The following TENM1 variants were observed in gnomAD, a reference collection of about 807,000 sequenced individuals.
TENM1 encodes teneurin transmembrane protein 1.
A neutral mutation model predicts 174.8 loss-of-function variants in TENM1; 35 were observed. The observed-to-expected ratio is 0.20, with a 90% CI of 0.15 to 0.27. The LOEUF is 0.27. Among genes scored for constraint, TENM1 ranks in the 10% least tolerant of loss-of-function variants. TENM1 has a pLI of 1.00. For synonymous variants in TENM1, 781 were observed against 798.7 expected (o/e 0.98, Z 0.37); for missense variants, 1,633 against 2,130.1 (o/e 0.77, Z 4.59).
At chrX:125,189,100 A>T in the TENM1 span, among the ~76,000 whole-genome samples, 1 of 112,234 alleles carries the variant, frequency 8.9e-6, no homozygotes, top group African/African-American at 3.2e-5. Context: ...AGATAAACAG[A>T]AGACTGGGGA....
chrX:124,436,714 C>T (rs1324499646), intron 23 of TENM1, among the ~76,000 whole-genome samples: 2 of 109,902 alleles, frequency 1.8e-5, no homozygotes, highest in African/African-American at 6.6e-5. Context: ...TCTCAGAGGA[C>T]TAGGTCCTAC....
chrX:124,655,984 C>A (rs749435982), intron 6 of TENM1, among the ~76,000 whole-genome samples: 1 of 112,082 alleles, frequency 8.9e-6, no homozygotes, highest in South Asian at 3.7e-4. Context: ...GTTTATGTGG[C>A]ACTTCTGTTC....
At chrX:124,563,217 T>A (rs1255531462) in intron 13 of TENM1, among the ~76,000 whole-genome samples, 1 of 110,174 alleles carries the variant, frequency 9.1e-6, no homozygotes, top group Non-Finnish European at 1.9e-5. Context: ...TTGCTGTCTC[T>A]GTTAAAGGAA....
chrX:124,927,613 T>C (rs2058110021), intron 1 of TENM1, among the ~76,000 whole-genome samples: 1 of 111,617 alleles, frequency 9.0e-6, no homozygotes, highest in Admixed American at 9.6e-5. Flanking sequence ...CTGGTGCTAA[T>C]CTAATACAGT....
chrX:124,731,347 A>G (rs1191383133), intron 4 of TENM1, among the ~76,000 whole-genome samples: 3 of 112,107 alleles, frequency 2.7e-5, no homozygotes, highest in East Asian at 5.6e-4. Context: ...GGTAAAATCA[A>G]TATCAGTAAC....
upstream of TENM1, among the ~76,000 whole-genome samples, chrX:124,968,126 G>A (rs910026992): frequency 9.0e-6 from 1 of 111,485 alleles, no homozygotes; most frequent in Non-Finnish European, 1.9e-5. Flanking sequence ...TTTGAAAAAC[G>A]TGCTTAGTTT....
At position 124,860,770 on chromosome X, in the gene TENM1, G is replaced by T. The variant is rs146806023; in HGVS notation, c.535+33526C>A. 1.8e-3 allele frequency among the ~76,000 whole-genome samples: 206 copies of T among 111,584 alleles called. 2 individuals are homozygous for T. The highest frequency in any genetic ancestry group is 6.5e-3 in the African/African-American group (199 of 30,753). On this transcript the variant is annotated intron_variant, in intron 3 of 31. Coordinates refer to ENST00000422452, the Ensembl canonical transcript of TENM1. The stretch of plus-strand genomic sequence containing the variant: ...GGTAAAGACCAACCGCTTCGTTGGA[G>T]GCAAGTTATTAGAGAAAACCACTTT...
At chrX:125,075,805 C>A in the TENM1 span, among the ~76,000 whole-genome samples, 1 of 111,274 alleles carries the variant, frequency 9.0e-6, no homozygotes, top group Admixed American at 9.6e-5. Flanking sequence ...TACAGTATTT[C>A]CACATCACCA....
intron 3 of TENM1, among the ~76,000 whole-genome samples, chrX:124,888,323 G>A (rs2057422256): frequency 9.0e-6 from 1 of 111,286 alleles, no homozygotes; most frequent in African/African-American, 3.3e-5. Context: ...GAACAACATA[G>A]GGAGCTCAGC....
At chrX:124,911,958 C>T (rs1389599717) in intron 1 of TENM1, among the ~76,000 whole-genome samples, 1 of 111,850 alleles carries the variant, frequency 8.9e-6, no homozygotes, top group Non-Finnish European at 1.9e-5. Flanking sequence ...TATTTATTAA[C>T]CACCTAACGT....
intron 3 of TENM1, among the ~76,000 whole-genome samples, chrX:124,862,315 C>T (rs1436510455): frequency 8.9e-6 from 1 of 111,767 alleles, no homozygotes; most frequent in African/African-American, 3.3e-5. Context: ...CAGGTGAGCA[C>T]TCATAGTACC....
intron 11 of TENM1, among the ~76,000 whole-genome samples, chrX:124,609,127 C>T (rs2050226071): frequency 1.8e-5 from 2 of 111,416 alleles, no homozygotes; most frequent in South Asian, 7.5e-4. Context: ...TACAATTATG[C>T]TGTGGCCAAC....
chrX:124,700,838 T>C (rs1017343863), intron 5 of TENM1, among the ~76,000 whole-genome samples: 1 of 111,356 alleles, frequency 9.0e-6, no homozygotes, highest in East Asian at 2.8e-4. Context: ...CTCCTTTCAT[T>C]CTATTATTTT....
chrX:124,650,519 T>C (rs1373733968), intron 8 of TENM1, among the ~76,000 whole-genome samples: 1 of 111,614 alleles, frequency 9.0e-6, no homozygotes, highest in Non-Finnish European at 1.9e-5. Context: ...TCTGGGTCTA[T>C]TGATTTTTGG....
chrX:125,044,159 TATA>T, the TENM1 span, among the ~76,000 whole-genome samples: 62 of 47,102 alleles, frequency 1.3e-3, 1 homozygote, highest in African/African-American at 2.3e-3. Flanking sequence ...AAACTTAAAG[TATA>T]ATAATAATAA....
intron 27 of TENM1, among the ~76,000 whole-genome samples, chrX:124,401,724 T>C (rs1242320444): frequency 4.5e-5 from 5 of 111,819 alleles, no homozygotes. Flanking sequence ...AGCATACTCA[T>C]TTCATTAAAT....
intron 3 of TENM1, among the ~76,000 whole-genome samples, chrX:124,746,881 A>T (rs1442725438): frequency 9.0e-6 from 1 of 111,281 alleles, no homozygotes; most frequent in Non-Finnish European, 1.9e-5. Flanking sequence ...TAATCCCAGC[A>T]CTTTAAGAGG....
At chrX:124,984,034 G>C in the TENM1 span, among the ~76,000 whole-genome samples, 2 of 112,137 alleles carry the variant, frequency 1.8e-5, no homozygotes, top group African/African-American at 6.5e-5. Flanking sequence ...AATTATCATA[G>C]GTTATAACCA....
At chrX:124,470,238 C>T (rs759291787) in intron 22 of TENM1, among the ~76,000 whole-genome samples, 1 of 112,122 alleles carries the variant, frequency 8.9e-6, no homozygotes, top group Non-Finnish European at 1.9e-5. Context: ...TGGCTTAATA[C>T]ATTATGGTGT....
Sources: allele counts gnomAD v4.1 joint callset (sites outside exome capture counted in the v4.1 genomes callset), GRCh38; gene constraint gnomAD v4.1.1; transcripts MANE v1.5; gene names NCBI Gene and HGNC (gene_info 2026-07-23, HGNC 2026-07-21).